The following ACKR2 variants were observed in gnomAD, a reference collection of about 807,000 sequenced individuals.
The protein encoded by ACKR2 is atypical chemokine receptor 2.
For missense variants in ACKR2, 457 were observed against 477.3 expected (o/e 0.96, Z 0.40); for synonymous variants, 207 against 192.2 (o/e 1.08, Z -0.64).
At chr3:42,849,918 T>G (rs189622210) in intron 2 of ACKR2, among the ~76,000 whole-genome samples, 34 of 152,318 alleles carry the variant, frequency 2.2e-4, no homozygotes, top group African/African-American at 7.7e-4. Flanking sequence ...AAATATATGT[T>G]TAGCCTTAGG....
In ACKR2 at chr3:42,822,165, T is replaced by TATAAATAAATAAATAAATAA. The variant is rs143225523; in HGVS notation, c.-38+2468_-38+2487dup. ...GTATTTATAGATAGATAGAGACAGATATAAATAAATAAATAAATAAATAAA... is the reference window on the plus strand; with the variant it reads ...GTATTTATAGATAGATAGAGACAGATATAAATAAATAAATAAATAAATAAATAAATAAATAAATAAATAAA... On this transcript the variant is annotated intron_variant, in intron 2 of 2. Coordinates refer to ENST00000422265, the MANE Select transcript of ACKR2 (RefSeq NM_001296.5). Among the ~76,000 whole-genome samples, 1,062 of 148,712 alleles carry TATAAATAAATAAATAAATAA rather than the reference T, an allele frequency of 7.1e-3. 9 individuals are homozygous for TATAAATAAATAAATAAATAA. Among genetic ancestry groups the TATAAATAAATAAATAAATAA allele is most frequent in the African/African-American group, 0.025 (1,013 of 40,636 alleles).
At chr3:42,833,993 G>T (rs774932570) in intron 2 of ACKR2, among the ~76,000 whole-genome samples, 53 of 151,736 alleles carry the variant, frequency 3.5e-4, no homozygotes, top group Admixed American at 5.9e-4. Context: ...ACAGAGTTTC[G>T]CTCTTGTTGC....
chr3:42,818,451 T>C (rs990877408), intron 1 of ACKR2, among the ~76,000 whole-genome samples: 1 of 152,216 alleles, frequency 6.6e-6, no homozygotes, highest in African/African-American at 2.4e-5. Flanking sequence ...TTCACTTTCA[T>C]AGTGATGTGC....
At chr3:42,860,188 A>AAAAC (rs1559693615) in intron 2 of ACKR2, among the ~76,000 whole-genome samples, 1 of 146,172 alleles carries the variant, frequency 6.8e-6, no homozygotes, top group African/African-American at 2.6e-5. Context: ...AAAAAAAAAA[A>AAAAC]AGCAGGGGAT....
At chr3:42,832,954 C>T (rs967774810) in intron 2 of ACKR2, among the ~76,000 whole-genome samples, 1 of 152,164 alleles carries the variant, frequency 6.6e-6, no homozygotes, top group Non-Finnish European at 1.5e-5. Flanking sequence ...ACCTCTGCCT[C>T]CTGGGCTTAA....
intron 2 of ACKR2, among the ~76,000 whole-genome samples, chr3:42,844,510 G>A (rs1021372873): frequency 6.6e-6 from 1 of 152,170 alleles, no homozygotes; most frequent in Non-Finnish European, 1.5e-5. Flanking sequence ...GTGGGCAGGG[G>A]CAAGACAGGC....
intron 2 of ACKR2, among the ~76,000 whole-genome samples, chr3:42,827,943 C>T (rs34543107): frequency 0.21 from 32,489 of 151,804 alleles, 4,421 homozygotes; most frequent in Non-Finnish European, 0.31. Flanking sequence ...CCTTTAGCTA[C>T]CACACACCCT....
intron 2 of ACKR2, among the ~76,000 whole-genome samples, chr3:42,834,302 C>T (rs1422841744): frequency 6.6e-6 from 1 of 152,102 alleles, no homozygotes; most frequent in Non-Finnish European, 1.5e-5. Flanking sequence ...GATCAATGAT[C>T]TTTGATGTTA....
chr3:42,854,855 CTTTTTTT>C (rs1207262721), intron 2 of ACKR2, among the ~76,000 whole-genome samples: 1 of 133,864 alleles, frequency 7.5e-6, no homozygotes, highest in Non-Finnish European at 1.6e-5. Flanking sequence ...TCATACCTTT[CTTTTTTT>C]TTTTTTTTTT....
At chr3:42,836,779 C>G (rs1700991001) in intron 2 of ACKR2, among the ~76,000 whole-genome samples, 1 of 152,118 alleles carries the variant, frequency 6.6e-6, no homozygotes, top group African/African-American at 2.4e-5. Context: ...GATAAGTTTC[C>G]TAGGACTGTG....
At chr3:42,827,055 G>A (rs909228444) in intron 2 of ACKR2, among the ~76,000 whole-genome samples, 5 of 152,210 alleles carry the variant, frequency 3.3e-5, no homozygotes, top group East Asian at 1.9e-4. Flanking sequence ...TATTGATTGA[G>A]TTTAATTCCA....
Position 42,865,261 on chromosome 3 carries a change from A to T in ACKR2, c.759A>T (p.Ala253=), listed in dbSNP as rs376898493. ...AGQGRALKIA[A]ALVVAFFVLW... ...AGGGCCGGGCTTTAAAAATAGCTGC[A>T]GCCTTGGTGGTGGCCTTCTTCGTGC... The change falls in exon 3 of 3, where the codon GCA becomes GCT. Residue 253 remains alanine, a synonymous_variant. Coordinates refer to ENST00000422265, the MANE Select transcript of ACKR2 (RefSeq NM_001296.5). 1.2e-6 allele frequency: 2 copies of T among 1,614,014 alleles called. No homozygotes were observed. Among genetic ancestry groups the T allele is most frequent in the Non-Finnish European group, 1.7e-6 (2 of 1,180,030 alleles).
chr3:42,835,847 C>G (rs906419413), intron 2 of ACKR2: 1 of 152,236 alleles, frequency 6.6e-6, no homozygotes, highest in African/African-American at 2.4e-5. Context: ...ATTCAACCTC[C>G]ACTGAAATGG....
chr3:42,832,505 A>G (rs180848270), intron 2 of ACKR2, among the ~76,000 whole-genome samples: 1 of 151,918 alleles, frequency 6.6e-6, no homozygotes, highest in East Asian at 1.9e-4. Context: ...TCAAAAAAAG[A>G]ATAAAAAAAA....
intron 2 of ACKR2, among the ~76,000 whole-genome samples, chr3:42,845,363 C>CTTGA (rs565412172): frequency 2.6e-5 from 4 of 152,116 alleles, no homozygotes; most frequent in Admixed American, 6.6e-5. Context: ...CCAATTAACA[C>CTTGA]TTGATTGATT....
chr3:42,849,978 T>C (rs1011049439), intron 2 of ACKR2, among the ~76,000 whole-genome samples: 9 of 152,190 alleles, frequency 5.9e-5, no homozygotes, highest in Non-Finnish European at 1.2e-4. Context: ...GGCAGACAGG[T>C]ATCCAGGAAT....
At chr3:42,828,400 C>T (rs1382313242) in intron 2 of ACKR2, among the ~76,000 whole-genome samples, 2 of 152,174 alleles carry the variant, frequency 1.3e-5, no homozygotes, top group Admixed American at 6.5e-5. Context: ...CGTGAGCCAC[C>T]GCGCCTGGCC....
chr3:42,845,848 CAA>C (rs35395771), intron 2 of ACKR2, among the ~76,000 whole-genome samples: 12 of 49,414 alleles, frequency 2.4e-4, no homozygotes, highest in East Asian at 6.7e-4. Context: ...GACTCCGTCT[CAA>C]AAAAAAAAAA....
chr3:42,854,845 T>C (rs2088295037), intron 2 of ACKR2, among the ~76,000 whole-genome samples: 1 of 151,132 alleles, frequency 6.6e-6, no homozygotes, highest in Non-Finnish European at 1.5e-5. Flanking sequence ...AAAGACTGAA[T>C]CATACCTTTC....
Sources: allele counts gnomAD v4.1 joint callset (sites outside exome capture counted in the v4.1 genomes callset), GRCh38; gene constraint gnomAD v4.1.1; transcripts MANE v1.5; gene names NCBI Gene and HGNC (gene_info 2026-07-23, HGNC 2026-07-21).